OLFM4: variants seen among roughly 807,000 people sequenced by gnomAD.
OLFM4 encodes the protein olfactomedin-4.
Under a neutral mutation model 25.5 loss-of-function variants are expected in OLFM4, and 22 were observed. The observed-to-expected ratio is 0.86, with a 90% CI of 0.62 to 1.23. The LOEUF (loss-of-function observed/expected upper bound fraction) is 1.23, where lower values mean the gene tolerates loss of function less well. Ranked by LOEUF, OLFM4 falls within the 50% of genes most tolerant of loss-of-function variation. The pLI, the probability that OLFM4 is intolerant of heterozygous loss-of-function variation, is 0.00. For missense variants in OLFM4, 594 were observed against 619.4 expected, an observed-to-expected ratio of 0.96 and a Z score of 0.44; for synonymous variants, 255 against 237.7, an observed-to-expected ratio of 1.07 and a Z score of -0.67.
chr13:53,049,114 A>G (rs1954730767), intron 4 of OLFM4, among the ~76,000 whole-genome samples: 1 of 152,150 alleles, frequency 6.6e-6, no homozygotes, highest in Admixed American at 6.5e-5. Flanking sequence ...ACATTGTGAC[A>G]ATGACAGTGT....
At chr13:53,029,164 T>G in intron 1 of OLFM4, 124 bp downstream of exon 1, 2 of 1,363,246 alleles carry the variant, frequency 1.5e-6, no homozygotes, top group Admixed American at 4.3e-5. Context: ...CTCATTTTGT[T>G]AACTATAGGT....
intron 1 of OLFM4, among the ~76,000 whole-genome samples, chr13:53,034,072 A>G (rs1392785972): frequency 2.8e-5 from 4 of 143,096 alleles, no homozygotes; most frequent in East Asian, 2.1e-4. Flanking sequence ...AAAAAAAAAA[A>G]AAAAAAAAAG....
intron 2 of OLFM4, among the ~76,000 whole-genome samples, chr13:53,040,044 A>T (rs545512664): frequency 5.9e-5 from 9 of 152,344 alleles, no homozygotes; most frequent in Non-Finnish European, 1.3e-4. Flanking sequence ...TGGATCAGCT[A>T]CTTGATATTA....
chr13:53,036,319 A>G (rs1416252932), intron 2 of OLFM4, among the ~76,000 whole-genome samples: 3 of 152,258 alleles, frequency 2.0e-5, no homozygotes, highest in Non-Finnish European at 2.9e-5. Flanking sequence ...AGTTATGCAT[A>G]AAAACATAAC....
chr13:53,030,025 C>T (rs1337288319), intron 1 of OLFM4, among the ~76,000 whole-genome samples: 1 of 152,096 alleles, frequency 6.6e-6, no homozygotes, highest in African/African-American at 2.4e-5. Flanking sequence ...CTTATCTGGG[C>T]CAAAGCTTCT....
intron 4 of OLFM4, among the ~76,000 whole-genome samples, chr13:53,044,096 G>C (rs1954702626): frequency 6.6e-6 from 1 of 152,202 alleles, no homozygotes; most frequent in South Asian, 2.1e-4. Flanking sequence ...TGCCTGCCTT[G>C]CAGGGTGGCT....
chr13:53,037,414 G>A (rs1006088443), intron 2 of OLFM4, among the ~76,000 whole-genome samples: 12 of 152,076 alleles, frequency 7.9e-5, no homozygotes, highest in African/African-American at 2.9e-4. Flanking sequence ...AGACATTAAG[G>A]CAACCCATAA....
rs1593484627 is a variant in OLFM4 at position 53,051,785 on chromosome 13, C to A, written c.*1014C>A. ...ATCAGTTGTTGCATGTAATTTTTGC[C>A]TTTGTTTAAGCCTGGAACTTGTAAG... On this transcript the variant is annotated 3_prime_UTR_variant, in exon 5 of 5. Transcript: ENST00000219022. 6.6e-6 allele frequency: 1 copy of A among 151,972 alleles called. No homozygotes were observed. The highest frequency in any genetic ancestry group is 1.9e-4 in the East Asian group (1 of 5,186). 9.4% of individuals were successfully genotyped at this position (151,972 alleles called of 1,614,324 possible).
chr13:53,047,311 T>G (rs539537724), intron 4 of OLFM4, among the ~76,000 whole-genome samples: 1 of 152,062 alleles, frequency 6.6e-6, no homozygotes, highest in Non-Finnish European at 1.5e-5. Context: ...GATGGGGGGA[T>G]GGGGACTCTG....
intron 1 of OLFM4, among the ~76,000 whole-genome samples, chr13:53,033,605 G>T (rs534855970): frequency 3.3e-4 from 51 of 152,246 alleles, no homozygotes; most frequent in African/African-American, 1.2e-3. Flanking sequence ...TTAATACTGA[G>T]GACAACCCTG....
chr13:53,031,312 T>A (rs1954627797), intron 1 of OLFM4, among the ~76,000 whole-genome samples: 1 of 152,212 alleles, frequency 6.6e-6, no homozygotes, highest in Non-Finnish European at 1.5e-5. Context: ...CTTTTATAAC[T>A]GTCATTGAGT....
intron 2 of OLFM4, among the ~76,000 whole-genome samples, chr13:53,037,668 G>A (rs768489257): frequency 6.6e-6 from 1 of 152,166 alleles, no homozygotes; most frequent in Non-Finnish European, 1.5e-5. Context: ...ACTAAGTACT[G>A]AAGTTAGATT....
In OLFM4 at chr13:53,038,485, T is replaced by C. The variant is rs541686836; in HGVS notation, c.358-3425T>C. On this transcript the variant is annotated intron_variant, in intron 2 of 4. Transcript: ENST00000219022. ...AAACCTGTACAGCCTGTGACTGTACTGAATAATGTAGGCAATTATAATACA... is the reference window on the plus strand; with the variant it reads ...AAACCTGTACAGCCTGTGACTGTACCGAATAATGTAGGCAATTATAATACA... Among the ~76,000 whole-genome samples the C allele has an allele frequency of 1.7e-3, 256 of 152,310 alleles. 1 individual carries two copies. Among genetic ancestry groups the C allele is most frequent in the African/African-American group, 5.9e-3 (247 of 41,572 alleles).
At chr13:53,033,433 T>G (rs1053023701) in intron 1 of OLFM4, among the ~76,000 whole-genome samples, 2 of 152,212 alleles carry the variant, frequency 1.3e-5, no homozygotes, top group African/African-American at 2.4e-5. Context: ...TCATATATTT[T>G]CACTGTAGCC....
intron 2 of OLFM4, among the ~76,000 whole-genome samples, chr13:53,037,611 C>T (rs1270828619): frequency 2.0e-5 from 3 of 152,068 alleles, no homozygotes; most frequent in Non-Finnish European, 4.4e-5. Context: ...TATCATTACC[C>T]CCAGTTTACA....
At chr13:53,045,584 A>G (rs1954711746) in intron 4 of OLFM4, among the ~76,000 whole-genome samples, 1 of 152,176 alleles carries the variant, frequency 6.6e-6, no homozygotes, top group South Asian at 2.1e-4. Flanking sequence ...GGACTTTAAA[A>G]TCTGGCCTGT....
In OLFM4 at chr13:53,032,114, A is replaced by G. The variant is rs144533652; in HGVS notation, c.205-2234A>G. On this transcript the variant is annotated intron_variant, in intron 1 of 4. Coordinates refer to ENST00000219022, the MANE Select transcript of OLFM4 (RefSeq NM_006418.5). ...CACAGCTTTGGGACAGAGATGTTCA[A>G]TAGAAACCGATGGAATGGCTGACAG... Among the ~76,000 whole-genome samples the G allele has an allele frequency of 2.7e-3, 408 of 152,324 alleles. 2 individuals are homozygous for G. The highest frequency in any genetic ancestry group is 9.4e-3 in the African/African-American group (390 of 41,578).
rs200914894 is a variant in OLFM4 at position 53,028,914 on chromosome 13, A to G, written c.78A>G (p.Gly26=). 2 of 1,613,942 alleles carry G rather than the reference A, an allele frequency of 1.2e-6. No individual in the cohort carries two copies. The highest frequency in any genetic ancestry group is 1.7e-6 in the Non-Finnish European group (2 of 1,180,018). The change falls in exon 1 of 5, where the codon GGA becomes GGG. Residue 26 remains glycine (G), a synonymous_variant. Transcript: ENST00000219022. ...CTGCAGGGGATTTGGGGGATGTGGGACCTCCAATTCCCAGCCCCGGCTTCA... is the reference window on the plus strand; with the variant it reads ...CTGCAGGGGATTTGGGGGATGTGGGGCCTCCAATTCCCAGCCCCGGCTTCA... The part of the protein sequence containing the change: ...GQAAGDLGDV[G]PPIPSPGFSS...
At chr13:53,030,360 T>C (rs1954622553) in intron 1 of OLFM4, among the ~76,000 whole-genome samples, 1 of 152,172 alleles carries the variant, frequency 6.6e-6, no homozygotes, top group African/African-American at 2.4e-5. Flanking sequence ...TGGAGTGCAG[T>C]GGCACGATCT....
Sources: allele counts gnomAD v4.1 joint callset (sites outside exome capture counted in the v4.1 genomes callset), GRCh38; gene constraint gnomAD v4.1.1; transcripts MANE v1.5; gene names NCBI Gene and HGNC (gene_info 2026-07-23, HGNC 2026-07-21).